Variants in CTNNA3 observed in about 807,000 individuals in gnomAD.
CTNNA3 encodes catenin alpha-3.
CTNNA3 carries 76 observed loss-of-function variants against 95.7 expected under a neutral mutation model. The observed-to-expected ratio is 0.79, with a 90% confidence interval of 0.66 to 0.96. The LOEUF is 0.96. CTNNA3 is among the 40% of genes least tolerant of loss of function. CTNNA3 has a pLI of 0.00. For synonymous variants in CTNNA3, 431 were observed against 374.4 expected, an observed-to-expected ratio of 1.15 and a Z score of -1.74; for missense variants, 1,191 against 1,089.8, an observed-to-expected ratio of 1.09 and a Z score of -1.31.
At chr10:66,265,536 T>G (rs1300687277) in intron 13 of CTNNA3, among the ~76,000 whole-genome samples, 1 of 152,004 alleles carries the variant, frequency 6.6e-6, no homozygotes, top group Non-Finnish European at 1.5e-5. Context: ...TGTCTTCCTT[T>G]CTAAACTCTT....
chr10:66,646,443 G>A (rs1172734699), intron 9 of CTNNA3, among the ~76,000 whole-genome samples: 1 of 152,054 alleles, frequency 6.6e-6, no homozygotes, highest in South Asian at 2.1e-4. Context: ...TATTATAATA[G>A]TGCTGACCTT....
chr10:67,255,313 TAAA>T (rs1564515269), intron 5 of CTNNA3, among the ~76,000 whole-genome samples: 54 of 151,646 alleles, frequency 3.6e-4, no homozygotes, highest in Admixed American at 1.8e-3. Context: ...AATAAATAAA[TAAA>T]TAAATTAATT....
chr10:67,536,864 G>T (rs1488127265), intron 4 of CTNNA3, among the ~76,000 whole-genome samples: 3 of 152,118 alleles, frequency 2.0e-5, no homozygotes, highest in African/African-American at 7.2e-5. Context: ...TTGGGGAAAT[G>T]TTGGGCTAAA....
At chr10:67,133,898 G>A (rs140734722) in intron 7 of CTNNA3, among the ~76,000 whole-genome samples, 5 of 152,064 alleles carry the variant, frequency 3.3e-5, no homozygotes, top group South Asian at 2.1e-4. Context: ...TGCCCAGACC[G>A]GTCTCAAACT....
chr10:66,604,486 T>C (rs1004833273), intron 10 of CTNNA3, among the ~76,000 whole-genome samples: 4 of 152,104 alleles, frequency 2.6e-5, no homozygotes, highest in Non-Finnish European at 5.9e-5. Flanking sequence ...GCTGCTGACA[T>C]ACGCGGATGA....
intron 13 of CTNNA3, among the ~76,000 whole-genome samples, chr10:66,261,015 T>C (rs2132100343): frequency 6.6e-6 from 1 of 152,186 alleles, no homozygotes; most frequent in Middle Eastern, 3.4e-3. Context: ...AGTTATTTGT[T>C]TTCTTTCCTA....
chr10:66,024,084 CATTTT>C lies in CTNNA3; in HGVS notation c.2160-35292_2160-35288del, dbSNP rs2079282649. ...TTATCACAGAAACTTATACCATACA[CATTTT>C]TTTTTTTTTTTTTTTTTTGAGACGG... On this transcript the variant is annotated intron_variant, in intron 15 of 17. Coordinates refer to ENST00000433211, the MANE Select transcript of CTNNA3 (RefSeq NM_013266.4). 4.8e-5 allele frequency among the ~76,000 whole-genome samples: 3 copies of C among 62,682 alleles called. No homozygotes were observed. In the South Asian group the frequency reaches 1.9e-3, roughly 40 times the overall value. 41.1% of individuals were successfully genotyped at this position (62,682 alleles called of 152,430 possible).
intron 3 of CTNNA3, among the ~76,000 whole-genome samples, chr10:67,579,716 T>C: frequency 6.6e-6 from 1 of 152,172 alleles, no homozygotes; most frequent in Non-Finnish European, 1.5e-5. Flanking sequence ...CCAGCACCTG[T>C]TGTTTCCTGA....
intron 4 of CTNNA3, among the ~76,000 whole-genome samples, chr10:67,532,414 A>G (rs1280143855): frequency 1.3e-5 from 2 of 152,212 alleles, no homozygotes; most frequent in Admixed American, 6.5e-5. Flanking sequence ...AATATTTGTC[A>G]TAGTCAGAAT....
At chr10:67,354,392 A>C (rs1253711480) in intron 5 of CTNNA3, among the ~76,000 whole-genome samples, 1 of 152,080 alleles carries the variant, frequency 6.6e-6, no homozygotes, top group Non-Finnish European at 1.5e-5. Context: ...TTCAACTTGC[A>C]AGGATAAATG....
intron 13 of CTNNA3, among the ~76,000 whole-genome samples, chr10:66,161,854 T>C (rs1041730959): frequency 1.3e-5 from 2 of 152,198 alleles, no homozygotes; most frequent in African/African-American, 2.4e-5. Flanking sequence ...GGTTTGGTCG[T>C]TTAACATAAT....
intron 9 of CTNNA3, among the ~76,000 whole-genome samples, chr10:66,739,567 A>C (rs1213133427): frequency 6.6e-6 from 1 of 152,212 alleles, no homozygotes; most frequent in Non-Finnish European, 1.5e-5. Context: ...TACATTATTT[A>C]TGCATTTTAC....
At chr10:66,586,783 C>T (rs1843373571) in intron 10 of CTNNA3, among the ~76,000 whole-genome samples, 2 of 152,254 alleles carry the variant, frequency 1.3e-5, no homozygotes, top group East Asian at 1.9e-4. Flanking sequence ...CAGCACTGCA[C>T]TTGTGTCTCT....
chr10:66,795,965 G>T (rs1464058023), intron 7 of CTNNA3, among the ~76,000 whole-genome samples: 1 of 150,860 alleles, frequency 6.6e-6, no homozygotes, highest in Non-Finnish European at 1.5e-5. Flanking sequence ...CCTTGCAGTA[G>T]ATTAGGCTTT....
At chr10:66,432,686 G>T (rs7913951) in intron 11 of CTNNA3, among the ~76,000 whole-genome samples, 39,402 of 149,578 alleles carry the variant, frequency 0.26, 5,381 homozygotes, top group South Asian at 0.39. Context: ...AAAAGTTCTG[G>T]TATACATGTG....
chr10:67,585,037 T>C (rs1225250496), intron 3 of CTNNA3, among the ~76,000 whole-genome samples: 2 of 152,220 alleles, frequency 1.3e-5, no homozygotes, highest in African/African-American at 4.8e-5. Context: ...TGCCCCGCCC[T>C]GCTTCAGCTC....
intron 13 of CTNNA3, among the ~76,000 whole-genome samples, chr10:66,179,215 C>T (rs1177318836): frequency 6.6e-6 from 1 of 151,858 alleles, no homozygotes; most frequent in Non-Finnish European, 1.5e-5. Context: ...TGGAATCTCG[C>T]TTAGCAATTA....
At chr10:67,723,784 C>T (rs1303339668) in intron 1 of CTNNA3, among the ~76,000 whole-genome samples, 1 of 152,108 alleles carries the variant, frequency 6.6e-6, no homozygotes, top group Non-Finnish European at 1.5e-5. Context: ...AAGGATAGTT[C>T]CTAGCAGACC....
At chr10:67,220,380 A>G (rs1420061898) in intron 5 of CTNNA3, among the ~76,000 whole-genome samples, 1 of 152,302 alleles carries the variant, frequency 6.6e-6, no homozygotes, top group East Asian at 1.9e-4. Flanking sequence ...TTTCTTTGAT[A>G]TTTATTCAAC....
Sources: allele counts gnomAD v4.1 joint callset (sites outside exome capture counted in the v4.1 genomes callset), GRCh38; gene constraint gnomAD v4.1.1; transcripts MANE v1.5; gene names NCBI Gene and HGNC (gene_info 2026-07-23, HGNC 2026-07-21).